Variants in ATRNL1 observed in about 807,000 individuals in gnomAD.
The protein encoded by ATRNL1 is attractin like 1.
Under a neutral mutation model 182.7 loss-of-function variants are expected in ATRNL1, and 95 were observed. The observed-to-expected ratio is 0.52, with a 90% CI of 0.44 to 0.62. The LOEUF is 0.62. Ranked by LOEUF, ATRNL1 falls within the 20% of genes least tolerant of loss-of-function variation. ATRNL1 has a pLI of 0.00. For missense variants in ATRNL1, 1,471 were observed against 1,679.5 expected (o/e 0.88, Z 2.17); for synonymous variants, 576 against 568.3 (o/e 1.01, Z -0.19).
intron 26 of ATRNL1, among the ~76,000 whole-genome samples, chr10:115,660,423 T>C (rs1860610021): frequency 6.6e-6 from 1 of 152,130 alleles, no homozygotes. Flanking sequence ...AGTAATTATA[T>C]AGATAAGTGG....
chr10:115,615,159 A>T (rs1857367322), intron 26 of ATRNL1, among the ~76,000 whole-genome samples: 1 of 151,300 alleles, frequency 6.6e-6, no homozygotes, highest in Admixed American at 6.6e-5. Flanking sequence ...ATAACATTTG[A>T]TTCCTTTCTC....
At chr10:115,674,536 G>A (rs1555042358) in intron 26 of ATRNL1, among the ~76,000 whole-genome samples, 1 of 151,986 alleles carries the variant, frequency 6.6e-6, no homozygotes. Context: ...CTGCATGTCA[G>A]CTACATCCTG....
At chr10:115,183,553 C>G (rs554791656) in intron 8 of ATRNL1, among the ~76,000 whole-genome samples, 4 of 151,466 alleles carry the variant, frequency 2.6e-5, no homozygotes, top group African/African-American at 9.7e-5. Context: ...AGTAGACTAT[C>G]TTGTACAACA....
At chr10:115,924,078 T>G (rs1450931487) in intron 28 of ATRNL1, among the ~76,000 whole-genome samples, 1 of 152,236 alleles carries the variant, frequency 6.6e-6, no homozygotes, top group African/African-American at 2.4e-5. Flanking sequence ...TTCATACACT[T>G]TGCCACTTTT....
Position 115,094,051 on chromosome 10 carries a change from C to A in ATRNL1, c.293+8C>A. 1 of 1,461,740 alleles carries A rather than the reference C, an allele frequency of 6.8e-7. No individual in the cohort carries two copies. The highest frequency in any genetic ancestry group is 9.1e-7 in the Non-Finnish European group (1 of 1,100,844). 90.5% of individuals were successfully genotyped at this position (1,461,740 alleles called of 1,614,324 possible). A position where few individuals can be genotyped will look rare whatever the true frequency, so the allele number is the denominator to read the frequency against. ...CTGCCAGGGCAGGTTCAAGTAAGTG[C>A]CTTCGCCGGACCCCGAACCTCCAGC... On this transcript the variant is annotated splice_region_variant and intron_variant, in intron 1 of 28. Transcript: ENST00000355044.
intron 27 of ATRNL1, among the ~76,000 whole-genome samples, chr10:115,812,511 T>A (rs1555087267): frequency 6.6e-6 from 1 of 152,158 alleles, no homozygotes; most frequent in African/African-American, 2.4e-5. Context: ...AGTTTTGTTC[T>A]TGTTGCCCAA....
At chr10:115,732,315 A>G (rs1555063215) in intron 27 of ATRNL1, among the ~76,000 whole-genome samples, 1 of 152,146 alleles carries the variant, frequency 6.6e-6, no homozygotes, top group Non-Finnish European at 1.5e-5. Context: ...CTGGAATCTC[A>G]ATATTATTCT....
In ATRNL1 at chr10:115,174,000, T is replaced by G. The variant is rs145957054; in HGVS notation, c.1348+2708T>G. Among the ~76,000 whole-genome samples, 757 of 151,878 alleles carry G rather than the reference T, an allele frequency of 5.0e-3. 4 individuals are homozygous for G. The highest frequency in any genetic ancestry group is 0.016 in the African/African-American group (670 of 41,524). ...GTTTTTAATTATAGCTCTTCTCACG[T>G]TTAGGGCCCTCCTTCCCCTTAACTT... is the stretch of plus-strand genomic sequence containing the variant. On this transcript the variant is annotated intron_variant, in intron 8 of 28. Transcript: ENST00000355044.
chr10:115,639,860 T>G (rs1300059170), intron 26 of ATRNL1, among the ~76,000 whole-genome samples: 2 of 152,104 alleles, frequency 1.3e-5, no homozygotes, highest in Admixed American at 6.6e-5. Flanking sequence ...ACGTGCTGTT[T>G]GTTACATAGG....
intron 28 of ATRNL1, among the ~76,000 whole-genome samples, chr10:115,937,997 T>C (rs1405869824): frequency 5.3e-5 from 8 of 152,134 alleles, no homozygotes; most frequent in African/African-American, 1.9e-4. Context: ...TCCTGGAAAA[T>C]TAAAATATAT....
intron 18 of ATRNL1, among the ~76,000 whole-genome samples, chr10:115,330,672 C>CTTTTTTTTTTTTTTTTTTTTTT (rs200104323): frequency 9.9e-6 from 1 of 101,410 alleles, no homozygotes; most frequent in Non-Finnish European, 2.0e-5. Flanking sequence ...GTGTTATTTG[C>CTTTTTTTTTTTTTTTTTTTTTT]TTTTTTTTTT....
chr10:115,735,441 G>A (rs2134082304), intron 27 of ATRNL1, among the ~76,000 whole-genome samples: 1 of 152,242 alleles, frequency 6.6e-6, no homozygotes, highest in African/African-American at 2.4e-5. Context: ...CAGGGAATAT[G>A]TTCCAAGAGT....
At chr10:115,901,343 G>A (rs2620954) in intron 28 of ATRNL1, among the ~76,000 whole-genome samples, 152,297 of 152,300 alleles carry the variant, frequency 1, 76,147 homozygotes, top group Non-Finnish European at 1. Context: ...AACTTGAAGG[G>A]AAGTATGAGC....
At chr10:115,101,339 GT>G (rs1331981167) in intron 1 of ATRNL1, among the ~76,000 whole-genome samples, 14 of 147,924 alleles carry the variant, frequency 9.5e-5, no homozygotes, top group South Asian at 2.1e-4. Context: ...TTATCTGTAA[GT>G]TTTTTTTTTA....
chr10:115,153,029 G>T (rs1417794322), intron 5 of ATRNL1, among the ~76,000 whole-genome samples: 1 of 152,196 alleles, frequency 6.6e-6, no homozygotes, highest in Admixed American at 6.5e-5. Flanking sequence ...TTATTGATTT[G>T]CATATGTTGA....
At chr10:115,492,357 C>A (rs1849339640) in intron 24 of ATRNL1, among the ~76,000 whole-genome samples, 1 of 152,070 alleles carries the variant, frequency 6.6e-6, no homozygotes, top group South Asian at 2.1e-4. Context: ...TTATAACTGA[C>A]AATTTACTTA....
At chr10:115,573,870 G>A (rs1216052836) in intron 26 of ATRNL1, among the ~76,000 whole-genome samples, 1 of 152,102 alleles carries the variant, frequency 6.6e-6, no homozygotes, top group African/African-American at 2.4e-5. Flanking sequence ...TAGCAGTTAT[G>A]ACAGTACCAT....
chr10:115,379,383 A>T (rs1449839859), intron 19 of ATRNL1, among the ~76,000 whole-genome samples: 3 of 152,226 alleles, frequency 2.0e-5, no homozygotes, highest in Non-Finnish European at 4.4e-5. Context: ...CAGTGCCACA[A>T]GGGAATTCTC....
intron 1 of ATRNL1, among the ~76,000 whole-genome samples, chr10:115,097,588 CG>C (rs1193536919): frequency 3.3e-5 from 5 of 151,998 alleles, no homozygotes; most frequent in African/African-American, 1.2e-4. Context: ...TAGACAAAAA[CG>C]GGCAGAATAA....
Sources: gnomAD v4.1 joint callset for allele counts (sites outside exome capture counted in the v4.1 genomes callset) on GRCh38, gnomAD v4.1.1 for gene constraint, MANE v1.5 for transcripts, NCBI Gene and HGNC (gene_info 2026-07-23, HGNC 2026-07-21) for gene names.